SHANK1: variants seen among roughly 807,000 people sequenced by gnomAD.
The protein encoded by SHANK1 is SH3 and multiple ankyrin repeat domains 1.
A neutral mutation model predicts 165.6 loss-of-function variants in SHANK1; 35 were observed. The observed-to-expected ratio is 0.21, with a 90% CI of 0.16 to 0.28. SHANK1 has a LOEUF of 0.28. SHANK1 is among the 10% of genes least tolerant of loss of function. The pLI, the probability that SHANK1 is intolerant of heterozygous loss-of-function variation, is 1.00. For missense variants in SHANK1, 2,681 were observed against 3,036.4 expected (o/e 0.88, Z 2.75); for synonymous variants, 1,428 against 1,384.8 (o/e 1.03, Z -0.69).
intron 12 of SHANK1, among the ~76,000 whole-genome samples, chr19:50,699,965 CTCGGGGCATTGGAGGATTGGAGGGA>C (rs1986859591): frequency 3.6e-5 from 4 of 109,594 alleles, no homozygotes; most frequent in African/African-American, 1.5e-4. Context: ...GATTGGAGGG[CTCGGGGCATTGGAGGATTGGAGGGA>C]TCGGGGCATT....
rs756369077 is a variant in SHANK1 at position 50,697,174 on chromosome 19, C to A, written c.1938-52G>T. The A allele has an allele frequency of 6.2e-7, 1 of 1,613,918 alleles. No individual in the cohort carries two copies. On this transcript the variant is annotated intron_variant, in intron 14 of 23. Transcript: ENST00000293441. This position sits in a 1 kb window ranked among gnomAD's most constrained non-coding sequence, Gnocchi z 4.7. ...AGGGAGGGGAAAGGTGTCAGTGCAC[C>A]CATCTCCTCACCCCAATCCCACCCA...
In SHANK1 at chr19:50,668,204, C is replaced by G. The variant is rs774732009; in HGVS notation, c.3756G>C (p.Arg1252=). 8 of 1,495,982 alleles carry G rather than the reference C, an allele frequency of 5.3e-6. No individual in the cohort carries two copies. The African/African-American group carries it at 1.2e-4, about 22-fold the overall frequency. 92.7% of individuals were successfully genotyped at this position (1,495,982 alleles called of 1,614,324 possible). A position where few individuals can be genotyped will look rare whatever the true frequency, so the allele number is the denominator to read the frequency against. ...CGGTGGACAGGAACAGCGTGGAGCG[C>G]CGGCGCGCCTCATTCTGCCAGCCCC... is the stretch of plus-strand genomic sequence containing the variant. ...REGGWQNEAR[R]RSTLFLSTDA... is the part of the protein sequence containing the mutation. Residue 1252 remains arginine, a synonymous_variant, in exon 23 of 24, where the codon CGG becomes CGC. Coordinates refer to ENST00000293441, the MANE Select transcript of SHANK1 (RefSeq NM_016148.5).
rs1466816323 is a variant in SHANK1, at chr19:50,688,627, G to A, written c.2172+217C>T. Among the ~76,000 whole-genome samples the A allele has an allele frequency of 1.3e-5, 2 of 152,236 alleles. No individual in the cohort carries two copies. The highest frequency in any genetic ancestry group is 2.9e-5 in the Non-Finnish European group (2 of 68,044). On this transcript the variant is annotated intron_variant, in intron 17 of 23. Coordinates refer to ENST00000293441, the MANE Select transcript of SHANK1 (RefSeq NM_016148.5). This position sits in a 1 kb window ranked among gnomAD's most constrained non-coding sequence, Gnocchi z 6.7. ...CTGGCCATCCCCCGGTATTGTGTATGTGTTGGGGACAGCTCTGTGTCACTC... is the reference window on the plus strand; with the variant it reads ...CTGGCCATCCCCCGGTATTGTGTATATGTTGGGGACAGCTCTGTGTCACTC...
chr19:50,671,880 G>T, intron 22 of SHANK1, 138 bp downstream of exon 22: 1 of 670,280 alleles, frequency 1.5e-6, no homozygotes. Context: ...CATTTCCAAA[G>T]CCTGAACTCT....
chr19:50,697,727 G>A lies in SHANK1; in HGVS notation c.1862-63C>T. The A allele has an allele frequency of 6.4e-7, 1 of 1,567,130 alleles. No individual in the cohort carries two copies. Among genetic ancestry groups the A allele is most frequent in the South Asian group, 1.1e-5 (1 of 90,108 alleles). ...TGGAAACCACAATCCCAGCCCTAGA[G>A]CTCCTGGCCCAAGTCTTCCCATCTA... On this transcript the variant is annotated intron_variant, in intron 13 of 23. Transcript: ENST00000293441. The surrounding 1 kb of genome is among the most constrained non-coding windows in gnomAD (Gnocchi z 4.7).
chr19:50,703,508 G>A lies in SHANK1; in HGVS notation c.1545C>T (p.Gly515=), dbSNP rs933111912. The A allele has an allele frequency of 1.0e-5, 16 of 1,539,926 alleles. No homozygotes were observed. The African/African-American group carries it at 2.0e-4, about 20-fold the overall frequency. Residue 515 remains glycine (G), a synonymous_variant, in exon 11 of 24, where the codon GGC becomes GGT. Coordinates refer to ENST00000293441, the MANE Select transcript of SHANK1 (RefSeq NM_016148.5). ...AGGGCTGCCTCCCCTACCTGGGCCG[G>A]CCTCGGGGCTGCCTCTTGGCGTCCT... The part of the protein sequence containing the change: ...HPEDAKRQPR[G]RPSSSGTPRE...
chr19:50,714,052 C>T (rs1196672445), intron 5 of SHANK1, 103 bp from the exon 6 acceptor site: 23 of 1,543,956 alleles, frequency 1.5e-5, no homozygotes, highest in Admixed American at 1.9e-5. Flanking sequence ...CCTCTGGCCC[C>T]GTGGCCTCCC....
At chr19:50,687,820 G>A (rs1986406124) in intron 18 of SHANK1, 103 bp downstream of exon 18, 3 of 1,485,888 alleles carry the variant, frequency 2.0e-6, no homozygotes, top group Non-Finnish European at 2.8e-6. Context: ...GAGAAGCAGT[G>A]CTAGGGAAGG....
At chr19:50,664,419 G>A (rs1430019782) in intron 23 of SHANK1, among the ~76,000 whole-genome samples, 5 of 152,260 alleles carry the variant, frequency 3.3e-5, no homozygotes, top group South Asian at 4.1e-4. Flanking sequence ...ATTTCCCCAC[G>A]TAGAAGTTGC....
intron 8 of SHANK1, among the ~76,000 whole-genome samples, chr19:50,706,888 C>A (rs1481375969): frequency 6.6e-6 from 1 of 152,124 alleles, no homozygotes; most frequent in Non-Finnish European, 1.5e-5. Context: ...AGCGATTCTC[C>A]TGCCTCAGCC....
chr19:50,664,538 C>G (rs1211407554), intron 23 of SHANK1, among the ~76,000 whole-genome samples: 1 of 152,206 alleles, frequency 6.6e-6, no homozygotes, highest in Non-Finnish European at 1.5e-5. Flanking sequence ...TCCACTTCTA[C>G]AGAGAGGTGG....
intron 21 of SHANK1, among the ~76,000 whole-genome samples, chr19:50,679,240 G>A (rs1986093366): frequency 6.6e-6 from 1 of 151,206 alleles, no homozygotes; most frequent in Admixed American, 6.6e-5. Flanking sequence ...TGACGGGAGA[G>A]GGCTTAGAGT....
At chr19:50,694,168 C>T (rs1986644123) in intron 15 of SHANK1, among the ~76,000 whole-genome samples, 1 of 151,828 alleles carries the variant, frequency 6.6e-6, no homozygotes, top group African/African-American at 2.4e-5. Flanking sequence ...AGCCCACCAT[C>T]TCTCCATTTC....
At chr19:50,663,610 A>G (rs909935849) in intron 23 of SHANK1, among the ~76,000 whole-genome samples, 5 of 152,134 alleles carry the variant, frequency 3.3e-5, no homozygotes, top group Non-Finnish European at 7.3e-5. Context: ...GGAGTTGCAC[A>G]GTCTTTGCCT....
chr19:50,711,880 C>T, intron 7 of SHANK1, 67 bp downstream of exon 7: 1 of 1,582,198 alleles, frequency 6.3e-7, no homozygotes. Context: ...TTCCCAGCCC[C>T]AGCCCCTTGG....
chr19:50,677,595 C>G (rs1986021554), intron 21 of SHANK1, among the ~76,000 whole-genome samples: 1 of 152,144 alleles, frequency 6.6e-6, no homozygotes, highest in Admixed American at 6.6e-5. Flanking sequence ...ACTCTTATAC[C>G]TTGAGAGCCC....
At chr19:50,714,423 CT>C in intron 4 of SHANK1, 133 bp from the exon 5 acceptor site, 1 of 744,406 alleles carries the variant, frequency 1.3e-6, no homozygotes, top group Non-Finnish European at 2.2e-6. Context: ...TAGCAGCCTC[CT>C]TTACAGAGAA....
In SHANK1 at chr19:50,688,080, A is replaced by G. The variant is rs906236600; in HGVS notation, c.2173-22T>C. Reference sequence around the variant, plus strand: ...TCACCTGTGGCACAGACACCCCCAGATCACACAGAGTAGACGAGGGGAGGG... The same window carrying G: ...TCACCTGTGGCACAGACACCCCCAGGTCACACAGAGTAGACGAGGGGAGGG... On this transcript the variant is annotated intron_variant, in intron 17 of 23. Transcript: ENST00000293441. The surrounding 1 kb of genome is among the most constrained non-coding windows in gnomAD (Gnocchi z 6.7). 2 of 1,613,494 alleles carry G rather than the reference A, an allele frequency of 1.2e-6. No individual in the cohort carries two copies. Among genetic ancestry groups the G allele is most frequent in the East Asian group, 4.5e-5 (2 of 44,840 alleles).
intron 12 of SHANK1, among the ~76,000 whole-genome samples, chr19:50,699,214 G>A (rs943308478): frequency 3.3e-5 from 5 of 152,360 alleles, no homozygotes; most frequent in Admixed American, 1.3e-4. Context: ...GCCTGGCTTG[G>A]TGGTCTTGTA....
Sources: allele counts gnomAD v4.1 joint callset (sites outside exome capture counted in the v4.1 genomes callset), GRCh38; gene constraint gnomAD v4.1.1; non-coding constraint Gnocchi (gnomAD v3.1); transcripts MANE v1.5; gene names NCBI Gene and HGNC (gene_info 2026-07-23, HGNC 2026-07-21).